Variants in MIER2 observed in about 807,000 individuals in gnomAD.
MIER2 encodes MIER family member 2.
Under a neutral mutation model 67.6 loss-of-function variants are expected in MIER2, and 30 were observed. The ratio of observed to expected loss-of-function variants is 0.44; its 90% confidence interval spans 0.33 to 0.60. The LOEUF (loss-of-function observed/expected upper bound fraction) is 0.60, where lower values mean the gene tolerates loss of function less well. Among genes scored for constraint, MIER2 ranks in the 20% least tolerant of loss-of-function variants. The probability of loss-of-function intolerance (pLI) is 0.02; values close to 1 mark genes in which losing one functional copy is unlikely to be tolerated. For synonymous variants in MIER2, 372 were observed against 312.6 expected, an observed-to-expected ratio of 1.19 and a Z score of -2.00; for missense variants, 702 against 745.1, an observed-to-expected ratio of 0.94 and a Z score of 0.67.
rs1230472538 is a variant in MIER2 at position 327,576 on chromosome 19, T to C, written c.369+288A>G. On this transcript the variant is annotated intron_variant, in intron 4 of 13. Coordinates refer to ENST00000264819, the MANE Select transcript of MIER2 (RefSeq NM_017550.3). ...CGCCCCTGCTCCCAACACCCAAGCC[T>C]TGACCTGTGACCTCTGGGTACGGAA... Among the ~76,000 whole-genome samples, 5 of 152,318 alleles carry C rather than the reference T, an allele frequency of 3.3e-5. No individual in the cohort carries two copies. In the East Asian group the frequency reaches 9.7e-4, roughly 29 times the overall value.
chr19:311,014 A>ACAGT (rs1468249496), intron 10 of MIER2, among the ~76,000 whole-genome samples: 1 of 152,256 alleles, frequency 6.6e-6, no homozygotes, highest in Non-Finnish European at 1.5e-5. Flanking sequence ...ACGGCACCGC[A>ACAGT]CAGTCACCTG....
At chr19:342,752 A>C (rs575604519) in intron 1 of MIER2, among the ~76,000 whole-genome samples, 24 of 152,092 alleles carry the variant, frequency 1.6e-4, no homozygotes, top group South Asian at 1.2e-3. Flanking sequence ...GGTTAAAAAC[A>C]GTGGAATATC....
chr19:309,119 C>A (rs571964401), intron 10 of MIER2, among the ~76,000 whole-genome samples, 194 bp from the exon 11 acceptor site: 8 of 152,254 alleles, frequency 5.3e-5, no homozygotes, highest in African/African-American at 1.9e-4. Context: ...GGAACAGGGG[C>A]TCGGAGCACT....
At chr19:339,560 A>G (rs1972411834) in intron 1 of MIER2, among the ~76,000 whole-genome samples, 1 of 152,234 alleles carries the variant, frequency 6.6e-6, no homozygotes, top group Non-Finnish European at 1.5e-5. Flanking sequence ...CAAAAGTTAA[A>G]TAGTATTTAA....
chr19:316,838 G>T (rs746062205), intron 7 of MIER2, among the ~76,000 whole-genome samples: 1 of 151,994 alleles, frequency 6.6e-6, no homozygotes, highest in Non-Finnish European at 1.5e-5. Context: ...GGATGGTGGC[G>T]TGTGCCTGTA....
In MIER2 at chr19:307,469, C is replaced by T. The variant is rs191923009; in HGVS notation, c.1266G>A (p.Pro422=). ...DEPGVASDGL[P]SSEPGPCSFQ... ...AGGAACACGGCCCTGGCTCCGAGGA[C>T]GGGAGTCCATCAGAGGCCACTCCGG... The change falls in exon 13 of 14, where the codon CCG becomes CCA. Residue 422 remains proline, a synonymous_variant. Transcript: ENST00000264819. 3.6e-5 allele frequency: 56 copies of T among 1,557,622 alleles called. No individual in the cohort carries two copies. In the African/African-American group the frequency reaches 4.6e-4, roughly 13 times the overall value.
At position 326,543 on chromosome 19, in the gene MIER2, G is replaced by A. The variant is rs764918041; in HGVS notation, c.549C>T (p.Thr183=). ...TGTTGGCAGGAAGAGAGTCCTCCTC[G>A]GTGTCGGAGGAGGCAGAAGAGCCAG... The part of the protein sequence containing the change: ...REPGSSASSD[T]EEDSLPANKC... Residue 183 remains threonine, a synonymous_variant, in exon 6 of 14, where the codon ACC becomes ACT. Transcript: ENST00000264819. 44 of 1,613,894 alleles carry A rather than the reference G, an allele frequency of 2.7e-5. No homozygotes were observed. Among genetic ancestry groups the A allele is most frequent in the Non-Finnish European group, 3.1e-5 (37 of 1,179,902 alleles).
At chr19:337,576 C>T (rs987810845) in intron 1 of MIER2, among the ~76,000 whole-genome samples, 3 of 152,024 alleles carry the variant, frequency 2.0e-5, no homozygotes, top group Non-Finnish European at 4.4e-5. Context: ...GAATCAAGAT[C>T]GGTAAGGAAG....
At chr19:334,011 G>A (rs1266557153) in intron 3 of MIER2, 5 of 185,110 alleles carry the variant, frequency 2.7e-5, no homozygotes, top group Admixed American at 2.3e-4. Context: ...TCTTAGTAGA[G>A]ATGGGGTTTC....
chr19:323,918 T>A (rs560419928), intron 7 of MIER2, among the ~76,000 whole-genome samples: 3 of 115,802 alleles, frequency 2.6e-5, no homozygotes, highest in East Asian at 3.0e-4. Context: ...TCGAAGGACA[T>A]AGGCGTCATC....
chr19:322,005 C>T (rs568631943), intron 7 of MIER2, among the ~76,000 whole-genome samples: 5 of 152,040 alleles, frequency 3.3e-5, no homozygotes, highest in South Asian at 4.1e-4. Context: ...CCCGGGTTCA[C>T]GCCATTCTCC....
chr19:323,733 G>A (rs1568227616), intron 7 of MIER2, among the ~76,000 whole-genome samples: 3 of 150,028 alleles, frequency 2.0e-5, no homozygotes, highest in Non-Finnish European at 4.4e-5. Context: ...CAACTCAAAC[G>A]ACACAGACGT....
At position 318,898 on chromosome 19, in the gene MIER2, A is replaced by C. The variant is rs549445656; in HGVS notation, c.656-5255T>G. On this transcript the variant is annotated intron_variant, in intron 7 of 13. Coordinates refer to ENST00000264819, the MANE Select transcript of MIER2 (RefSeq NM_017550.3). ...AGTGAAACCCCGTCTCTACTAAAAA[A>C]TACAAAAAACTAGCCGGGCGTGGTG... 2.0e-5 allele frequency among the ~76,000 whole-genome samples: 3 copies of C among 152,050 alleles called. No homozygotes were observed. In the East Asian group the frequency reaches 5.8e-4, roughly 29 times the overall value.
In MIER2 at chr19:311,901, A is replaced by G; in HGVS notation, c.928T>C (p.Phe310Leu). ...CCATGCACACGGAAGCCGTGCTCAA[A>G]GTTCCTGCACTCCTCTTCACTCCAA... ...CAWSEEECRN[F>L]EHGFRVHGKN... Residue 310 changes from phenylalanine to leucine, a missense_variant, in exon 10 of 14, where the codon TTT (phenylalanine) becomes CTT (leucine). Transcript: ENST00000264819. 6.2e-7 allele frequency: 1 copy of G among 1,614,078 alleles called. No individual in the cohort carries two copies. The highest frequency in any genetic ancestry group is 8.5e-7 in the Non-Finnish European group (1 of 1,179,950).
chr19:317,260 G>GCTA (rs1309866401), intron 7 of MIER2, among the ~76,000 whole-genome samples: 1 of 151,996 alleles, frequency 6.6e-6, no homozygotes, highest in Non-Finnish European at 1.5e-5. Context: ...GGGCGCGGTG[G>GCTA]CGGGCACCTG....
At chr19:338,570 C>A (rs192469667) in intron 1 of MIER2, among the ~76,000 whole-genome samples, 8 of 143,654 alleles carry the variant, frequency 5.6e-5, no homozygotes, top group African/African-American at 2.0e-4. Flanking sequence ...TAGAAACCCA[C>A]GAGCCGATTT....
At chr19:313,425 G>A (rs1429886570) in intron 8 of MIER2, 67 bp downstream of exon 8, 1 of 1,570,332 alleles carries the variant, frequency 6.4e-7, no homozygotes, top group Non-Finnish European at 8.6e-7. Flanking sequence ...GGAGGCACTG[G>A]GGTGTGAGCT....
chr19:320,710 C>T (rs751432946), intron 7 of MIER2, among the ~76,000 whole-genome samples: 18 of 152,306 alleles, frequency 1.2e-4, no homozygotes, highest in Non-Finnish European at 2.4e-4. Flanking sequence ...TGAGGTGGAA[C>T]GGTTTCCTCC....
At chr19:309,009 C>G (rs1412560961) in intron 10 of MIER2, 84 bp from the exon 11 acceptor site, 4 of 1,533,728 alleles carry the variant, frequency 2.6e-6, no homozygotes, top group Non-Finnish European at 3.5e-6. Flanking sequence ...GTCCTGGGAC[C>G]CCGGGACAGC....
Sources: allele counts gnomAD v4.1 joint callset (sites outside exome capture counted in the v4.1 genomes callset), GRCh38; gene constraint gnomAD v4.1.1; transcripts MANE v1.5; gene names NCBI Gene and HGNC (gene_info 2026-07-23, HGNC 2026-07-21).